USP39: variants seen among roughly 807,000 people sequenced by gnomAD.
USP39 encodes the protein ubiquitin carboxyl-terminal hydrolase 39.
USP39 carries 38 observed loss-of-function variants against 66.4 expected under a neutral mutation model. The observed-to-expected ratio is 0.57, with a 90% CI of 0.44 to 0.75. The LOEUF (loss-of-function observed/expected upper bound fraction) is 0.75, where lower values mean the gene tolerates loss of function less well. Ranked by LOEUF, USP39 falls within the 30% of genes least tolerant of loss-of-function variation. The pLI, the probability that USP39 is intolerant of heterozygous loss-of-function variation, is 0.00. For missense variants in USP39, 608 were observed against 714.4 expected, an observed-to-expected ratio of 0.85 and a Z score of 1.70; for synonymous variants, 303 against 274.6, an observed-to-expected ratio of 1.10 and a Z score of -1.02.
At chr2:85,637,938 C>T (rs1043836883) in intron 8 of USP39, among the ~76,000 whole-genome samples, 2 of 152,166 alleles carry the variant, frequency 1.3e-5, no homozygotes, top group Non-Finnish European at 2.9e-5. Context: ...CTCAGGTGAT[C>T]TACCTGCCTC....
At chr2:85,611,825 GGGCCA>G (rs543992256), upstream of USP39, 4 of 1,607,022 alleles carry the variant, frequency 2.5e-6, no homozygotes, top group South Asian at 1.1e-5. Context: ...CTGTCGGGCC[GGGCCA>G]GGCCAGGCCA....
chr2:85,619,062 C>G (rs1046531571), intron 1 of USP39, among the ~76,000 whole-genome samples, 158 bp from the exon 2 acceptor site: 2 of 152,152 alleles, frequency 1.3e-5, no homozygotes, highest in Admixed American at 1.3e-4. Flanking sequence ...TGAGCTACCG[C>G]GCCCGGCTAG....
chr2:85,639,251 A>G lies in USP39; in HGVS notation c.1144A>G (p.Thr382Ala), dbSNP rs200081633. The change falls in exon 9 of 13, where the codon ACA (threonine) becomes GCA (alanine). Residue 382 changes from threonine (T) to alanine (A), a missense_variant. This residue lies in a region of USP39 where 164 missense variants were observed against 250.3 expected (regional missense o/e 0.66). Coordinates refer to ENST00000323701, the MANE Select transcript of USP39 (RefSeq NM_006590.4). ...QLLHNDEYQETMVESTFMYLT... is the reference protein window; with the variant it reads ...QLLHNDEYQEAMVESTFMYLT... ...GCTCCATAATGACGAGTACCAGGAG[A>G]CAATGGTGGAGTCCACTTTTATGTA... 1.3e-5 allele frequency: 21 copies of G among 1,613,866 alleles called. No individual in the cohort carries two copies. Among genetic ancestry groups the G allele is most frequent in the Non-Finnish European group, 1.8e-5 (21 of 1,179,960 alleles).
At chr2:85,636,191 G>T in intron 7 of USP39, 61 bp downstream of exon 7, 3 of 1,497,412 alleles carry the variant, frequency 2.0e-6, no homozygotes, top group Admixed American at 1.7e-5. Flanking sequence ...TTTGCGGTCG[G>T]TCGCAATGGC....
At chr2:85,638,175 C>G (rs1015041089) in intron 8 of USP39, among the ~76,000 whole-genome samples, 1 of 152,016 alleles carries the variant, frequency 6.6e-6, no homozygotes, top group Non-Finnish European at 1.5e-5. Flanking sequence ...GCATGCGCCA[C>G]TATGCCTGGC....
intron 5 of USP39, 36 bp downstream of exon 5, chr2:85,625,727 A>G: frequency 6.2e-7 from 1 of 1,602,662 alleles, no homozygotes; most frequent in Non-Finnish European, 8.5e-7. Flanking sequence ...GAAGAGAAGG[A>G]CACCCAGAAG....
At chr2:85,646,553 G>A (rs186352970) in intron 11 of USP39, among the ~76,000 whole-genome samples, 26 of 152,294 alleles carry the variant, frequency 1.7e-4, no homozygotes, top group South Asian at 4.1e-4. Context: ...TTCTTAACTC[G>A]TCCTTGAAGC....
At chr2:85,610,673 C>T (rs1463257039), upstream of USP39, 4 of 151,996 alleles carry the variant, frequency 2.6e-5, no homozygotes, top group East Asian at 1.9e-4. Context: ...AATCCCAGCA[C>T]TTTGGGAGGC....
intron 8 of USP39, 58 bp downstream of exon 8, chr2:85,637,494 G>C: frequency 6.4e-7 from 1 of 1,555,308 alleles, no homozygotes; most frequent in South Asian, 1.1e-5. Context: ...GGACGTAGGG[G>C]AGATGAAGAG....
chr2:85,632,116 G>A (rs376354866), intron 6 of USP39, among the ~76,000 whole-genome samples: 3 of 152,162 alleles, frequency 2.0e-5, no homozygotes, highest in East Asian at 1.9e-4. Context: ...AGCGGACAGT[G>A]TAACTTTGTA....
At chr2:85,630,457 T>A (rs1675232067) in intron 5 of USP39, among the ~76,000 whole-genome samples, 1 of 152,180 alleles carries the variant, frequency 6.6e-6, no homozygotes, top group Non-Finnish European at 1.5e-5. Flanking sequence ...ATACCTGTGT[T>A]TTGTTTTGTT....
chr2:85,644,806 G>A, intron 10 of USP39, 142 bp from the exon 11 acceptor site: 1 of 1,044,470 alleles, frequency 9.6e-7, no homozygotes, highest in Non-Finnish European at 1.3e-6. Context: ...AACGCACCTG[G>A]ACCTTCTTGA....
intron 10 of USP39, among the ~76,000 whole-genome samples, chr2:85,642,679 G>A (rs1426782968): frequency 6.6e-6 from 1 of 152,204 alleles, no homozygotes; most frequent in Non-Finnish European, 1.5e-5. Context: ...ATTATTTTAT[G>A]TGCTGTAATT....
At chr2:85,608,836 G>C, upstream of USP39, 1 of 1,475,484 alleles carries the variant, frequency 6.8e-7, no homozygotes, top group South Asian at 1.3e-5. Flanking sequence ...AGCAGCTCTG[G>C]GGGTCTCAAG....
At chr2:85,611,945 T>G, upstream of USP39, 1 of 1,578,648 alleles carries the variant, frequency 6.3e-7, no homozygotes, top group Non-Finnish European at 8.5e-7. Flanking sequence ...CCCCCAGGCT[T>G]GCAGCAGTGC....
intron 1 of USP39, among the ~76,000 whole-genome samples, chr2:85,605,146 G>A (rs1354662201): frequency 2.0e-5 from 3 of 152,050 alleles, no homozygotes; most frequent in African/African-American, 7.3e-5. Context: ...GGCAAAGCAA[G>A]AGATGAGATT....
chr2:85,627,526 C>T (rs1220872007), intron 5 of USP39, among the ~76,000 whole-genome samples: 1 of 151,976 alleles, frequency 6.6e-6, no homozygotes, highest in Non-Finnish European at 1.5e-5. Flanking sequence ...CATGGTGGCT[C>T]ATGCCTCTAA....
chr2:85,647,078 G>A (rs576161593), intron 11 of USP39, among the ~76,000 whole-genome samples: 17 of 152,084 alleles, frequency 1.1e-4, no homozygotes, highest in East Asian at 1.9e-4. Flanking sequence ...TGGTAGAGAC[G>A]GGGTTTTACT....
chr2:85,616,479 C>A lies in USP39; in HGVS notation c.268+16C>A. ...GAGGTGCGAGGTGCGCGGGGCCGGG[C>A]CGGGCTAGGCGCGAGAGCCTGTTTT... On this transcript the variant is annotated intron_variant, in intron 1 of 12. Coordinates refer to ENST00000323701, the MANE Select transcript of USP39 (RefSeq NM_006590.4). 2 of 1,478,852 alleles carry A rather than the reference C, an allele frequency of 1.4e-6. No homozygotes were observed. The highest frequency in any genetic ancestry group is 1.8e-6 in the Non-Finnish European group (2 of 1,106,924). The allele number at this position is 1,478,852 out of a possible 1,614,324, so 91.6% of individuals were successfully genotyped here. A position where few individuals can be genotyped will look rare whatever the true frequency, so the allele number is the denominator to read the frequency against.
Sources: gnomAD v4.1 joint callset for allele counts (sites outside exome capture counted in the v4.1 genomes callset) on GRCh38, gnomAD v4.1.1 for gene constraint, gnomAD v4.1.1 regional missense constraint, MANE v1.5 for transcripts, NCBI Gene and HGNC (gene_info 2026-07-23, HGNC 2026-07-21) for gene names.